The following TTC29 variants were observed in gnomAD, a reference collection of about 807,000 sequenced individuals.
TTC29 encodes the protein tetratricopeptide repeat domain 29.
A neutral mutation model predicts 58.1 loss-of-function variants in TTC29; 49 were observed. The observed-to-expected ratio is 0.84, with a 90% confidence interval of 0.67 to 1.07. The LOEUF is 1.07. Among genes scored for constraint, TTC29 ranks in the 50% least tolerant of loss-of-function variants. The pLI is 0.00. For synonymous variants in TTC29, 209 were observed against 196.8 expected (o/e 1.06, Z -0.52); for missense variants, 582 against 555.6 (o/e 1.05, Z -0.48).
chr4:146,738,446 C>T (rs547764841), intron 11 of TTC29, among the ~76,000 whole-genome samples: 1 of 152,128 alleles, frequency 6.6e-6, no homozygotes, highest in Non-Finnish European at 1.5e-5. Flanking sequence ...ACCTGAGTGG[C>T]CTCAGCCTGA....
At chr4:146,728,826 CATATATATACACATATAT>C (rs1744058638) in intron 11 of TTC29, among the ~76,000 whole-genome samples, 1 of 91,738 alleles carries the variant, frequency 1.1e-5, no homozygotes, top group Non-Finnish European at 2.3e-5. Context: ...TGTATATATA[CATATATATACACATATAT>C]ATGTATATAT....
intron 10 of TTC29, among the ~76,000 whole-genome samples, chr4:146,811,603 C>T (rs900167659): frequency 1.3e-5 from 2 of 152,134 alleles, no homozygotes; most frequent in African/African-American, 2.4e-5. Context: ...AAAGTTTTGC[C>T]GTATGAGTTG....
Position 146,903,580 on chromosome 4 carries a change from C to T in TTC29, c.550G>A (p.Ala184Thr). ...TAGAGAAGACCCATATGCATGTGTGCCTCGGCTTCTTTCTTCCCACAGTCA... is the reference window on the plus strand; with the variant it reads ...TAGAGAAGACCCATATGCATGTGTGTCTCGGCTTCTTTCTTCCCACAGTCA... ...KIDCGKKEAE[A>T]HMHMGLLYEE... Residue 184 changes from alanine to threonine, a missense_variant, in exon 6 of 13, where the codon GCA becomes ACA. Coordinates refer to ENST00000325106, the MANE Select transcript of TTC29 (RefSeq NM_031956.4). 6.2e-7 allele frequency: 1 copy of T among 1,612,216 alleles called. No homozygotes were observed. The highest frequency in any genetic ancestry group is 8.5e-7 in the Non-Finnish European group (1 of 1,179,102).
intron 6 of TTC29, among the ~76,000 whole-genome samples, chr4:146,892,344 T>C (rs963545083): frequency 6.6e-6 from 1 of 152,134 alleles, no homozygotes; most frequent in Non-Finnish European, 1.5e-5. Context: ...CTTTTCTTTA[T>C]AAATTACCCA....
intron 8 of TTC29, among the ~76,000 whole-genome samples, chr4:146,860,307 T>A (rs765313316): frequency 3.2e-4 from 49 of 152,324 alleles, no homozygotes; most frequent in African/African-American, 6.3e-4. Context: ...TATCTTTGCT[T>A]ACATTTATTG....
intron 11 of TTC29, among the ~76,000 whole-genome samples, chr4:146,739,331 C>T (rs2150031861): frequency 6.6e-6 from 1 of 152,212 alleles, no homozygotes; most frequent in East Asian, 1.9e-4. Context: ...TGTTCAAATA[C>T]CCCCTTCACC....
chr4:146,736,213 A>G (rs970362335), intron 11 of TTC29, among the ~76,000 whole-genome samples: 8 of 152,002 alleles, frequency 5.3e-5, no homozygotes, highest in African/African-American at 1.9e-4. Flanking sequence ...CTTTGGCTCA[A>G]CCTTTGGCTG....
At chr4:146,768,025 C>T (rs1182859513) in intron 11 of TTC29, among the ~76,000 whole-genome samples, 1 of 151,982 alleles carries the variant, frequency 6.6e-6, no homozygotes, top group Non-Finnish European at 1.5e-5. Context: ...AATTCCTACA[C>T]CAATTTTCAT....
Position 146,896,065 on chromosome 4 carries a change from C to A in TTC29, c.586+7479G>T, listed in dbSNP as rs72733735. Among the ~76,000 whole-genome samples, 11 of 152,052 alleles carry A rather than the reference C, an allele frequency of 7.2e-5. No individual in the cohort carries two copies. The South Asian group carries it at 1.7e-3, about 23-fold the overall frequency. ...TTCTACTGCCAAAATTACTAATGTG[C>A]GATTTTTTGCAAACTTAACTTTATG... On this transcript the variant is annotated intron_variant, in intron 6 of 12. Transcript: ENST00000325106.
chr4:146,814,651 G>C (rs901405390), intron 10 of TTC29, among the ~76,000 whole-genome samples: 1 of 150,438 alleles, frequency 6.6e-6, no homozygotes, highest in African/African-American at 2.5e-5. Flanking sequence ...ACTTGAACCC[G>C]GGAGGCGGAG....
chr4:146,752,651 A>G (rs1347101927), intron 11 of TTC29, among the ~76,000 whole-genome samples: 1 of 152,064 alleles, frequency 6.6e-6, no homozygotes, highest in African/African-American at 2.4e-5. Context: ...ACTTCAAACT[A>G]TACTACAAGG....
intron 11 of TTC29, among the ~76,000 whole-genome samples, chr4:146,773,189 T>C (rs10213538): frequency 0.43 from 65,068 of 151,726 alleles, 15,152 homozygotes; most frequent in African/African-American, 0.59. Context: ...TTTCTCTTTT[T>C]CTATTTGGAT....
At chr4:146,742,746 C>A in intron 11 of TTC29, among the ~76,000 whole-genome samples, 2 of 142,298 alleles carry the variant, frequency 1.4e-5, no homozygotes, top group Non-Finnish European at 3.1e-5. Flanking sequence ...CTTCCCCTCC[C>A]TTTCCCTCCC....
intron 10 of TTC29, among the ~76,000 whole-genome samples, chr4:146,814,493 C>T (rs545407094): frequency 5.1e-4 from 78 of 151,886 alleles, no homozygotes; most frequent in Non-Finnish European, 9.6e-4. Flanking sequence ...TTTGGGAGGC[C>T]GAAGTGGGCG....
intron 8 of TTC29, among the ~76,000 whole-genome samples, chr4:146,836,704 G>A (rs2150162243): frequency 1.3e-5 from 2 of 152,160 alleles, no homozygotes; most frequent in African/African-American, 4.8e-5. Context: ...ACAGACACTT[G>A]AAAAGATGAC....
chr4:146,899,549 T>G (rs1413355991), intron 6 of TTC29, among the ~76,000 whole-genome samples: 1 of 152,182 alleles, frequency 6.6e-6, no homozygotes, highest in Non-Finnish European at 1.5e-5. Flanking sequence ...AGAATGAGAC[T>G]GCCAGCCCTT....
intron 11 of TTC29, among the ~76,000 whole-genome samples, chr4:146,777,310 G>A (rs1748179456): frequency 6.6e-6 from 1 of 152,114 alleles, no homozygotes. Flanking sequence ...ACAAAGAGTT[G>A]TATTGCCTTT....
At chr4:146,894,185 T>A (rs1732591998) in intron 6 of TTC29, among the ~76,000 whole-genome samples, 3 of 152,162 alleles carry the variant, frequency 2.0e-5, no homozygotes, top group Non-Finnish European at 1.5e-5. Flanking sequence ...ACTGGGTATA[T>A]ACCCAAAGGA....
chr4:146,708,531 A>G (rs1013518758), intron 11 of TTC29, among the ~76,000 whole-genome samples: 3 of 150,942 alleles, frequency 2.0e-5, no homozygotes, highest in Non-Finnish European at 3.0e-5. Context: ...ATGTATATCT[A>G]TATACATAGA....
Sources: allele counts gnomAD v4.1 joint callset (sites outside exome capture counted in the v4.1 genomes callset), GRCh38; gene constraint gnomAD v4.1.1; transcripts MANE v1.5; gene names NCBI Gene and HGNC (gene_info 2026-07-23, HGNC 2026-07-21).